Variants in CCDC178 observed in about 807,000 individuals in gnomAD.
The protein encoded by CCDC178 is coiled-coil domain-containing protein 178.
In CCDC178, 126 loss-of-function variants were observed where a neutral mutation model predicts 117.4. That is an observed-to-expected ratio of 1.07 (90% CI 0.93 to 1.24). CCDC178 has a LOEUF of 1.24. Among genes scored for constraint, CCDC178 ranks in the 50% most tolerant of loss-of-function variants. CCDC178 has a pLI of 0.00. For missense variants in CCDC178, 1,030 were observed against 986.9 expected (o/e 1.04, Z -0.59); for synonymous variants, 283 against 313.4 (o/e 0.90, Z 1.02).
chr18:33,114,224 T>C (rs992749047), intron 20 of CCDC178, among the ~76,000 whole-genome samples: 13 of 152,138 alleles, frequency 8.5e-5, no homozygotes, highest in African/African-American at 3.1e-4. Context: ...GGATCCCTTT[T>C]CTTTTACTAG....
chr18:33,148,507 G>C (rs1363402468), intron 20 of CCDC178, among the ~76,000 whole-genome samples: 1 of 151,802 alleles, frequency 6.6e-6, no homozygotes, highest in East Asian at 1.9e-4. Flanking sequence ...AGCTCTGGTA[G>C]CTGATTTCTA....
chr18:33,250,158 A>C (rs1288919465), intron 14 of CCDC178, among the ~76,000 whole-genome samples: 1 of 151,842 alleles, frequency 6.6e-6, no homozygotes, highest in Non-Finnish European at 1.5e-5. Context: ...ATGAATGAGA[A>C]ATGTCAACAA....
Position 33,087,566 on chromosome 18 carries a change from TTGTGTGTGTGTG to T in CCDC178, c.2388+5183_2388+5194del, listed in dbSNP as rs57033642. Reference sequence around the variant, plus strand: ...TCTAAGAAACAGGGGCCAAAGCCATTTGTGTGTGTGTGTGTGTGTGTGTGTGTGTGTGTGTGT... The same window carrying T: ...TCTAAGAAACAGGGGCCAAAGCCATTTGTGTGTGTGTGTGTGTGTGTGTGT... On this transcript the variant is annotated intron_variant, in intron 21 of 22. Coordinates refer to ENST00000383096, the MANE Select transcript of CCDC178 (RefSeq NM_001105528.4). Among the ~76,000 whole-genome samples, 236 of 146,106 alleles carry T rather than the reference TTGTGTGTGTGTG, an allele frequency of 1.6e-3. 2 individuals carry two copies. The highest frequency in any genetic ancestry group is 4.4e-3 in the African/African-American group (176 of 39,636).
chr18:33,298,458 T>C (rs987253272), intron 11 of CCDC178, among the ~76,000 whole-genome samples: 3 of 152,098 alleles, frequency 2.0e-5, no homozygotes, highest in Non-Finnish European at 4.4e-5. Context: ...CTTAATAAAT[T>C]AGGTGTAGAA....
At chr18:33,249,690 G>T (rs1306905846) in intron 14 of CCDC178, among the ~76,000 whole-genome samples, 1 of 152,106 alleles carries the variant, frequency 6.6e-6, no homozygotes, top group Non-Finnish European at 1.5e-5. Flanking sequence ...ATAGTTTGAA[G>T]TGAGGGAGTG....
At position 33,261,297 on chromosome 18, in the gene CCDC178, A is replaced by C. The variant is rs1599068991; in HGVS notation, c.1409+5619T>G. Among the ~76,000 whole-genome samples, 4 of 151,874 alleles carry C rather than the reference A, an allele frequency of 2.6e-5. 1 individual carries two copies. The East Asian group carries it at 5.8e-4, about 22-fold the overall frequency. On this transcript the variant is annotated intron_variant, in intron 14 of 22. Transcript: ENST00000383096. ...ACGGGGTTTCACCGTGTTAGCCAGG[A>C]TGGTCTCGATCTCCTGACCTCGTGA...
In CCDC178 at chr18:33,133,818, C is replaced by T. The variant is rs948038118; in HGVS notation, c.2239-40908G>A. On this transcript the variant is annotated intron_variant, in intron 20 of 22. Transcript: ENST00000383096. Reference sequence around the variant, plus strand: ...TTGTCTAAAATTTCTGGGACGTTTTCCTGTAATGATCAGAAAACATTAATT... The same window carrying T: ...TTGTCTAAAATTTCTGGGACGTTTTTCTGTAATGATCAGAAAACATTAATT... 2.6e-5 allele frequency among the ~76,000 whole-genome samples: 4 copies of T among 151,950 alleles called. No individual in the cohort carries two copies. In the East Asian group the frequency reaches 7.7e-4, roughly 29 times the overall value.
intron 9 of CCDC178, among the ~76,000 whole-genome samples, chr18:33,334,508 C>A (rs1353599720): frequency 6.6e-6 from 1 of 151,986 alleles, no homozygotes; most frequent in African/African-American, 2.4e-5. Flanking sequence ...CTGGCATTAA[C>A]TGAATCTTGC....
chr18:33,389,480 AATGAG>A (rs1234389164), intron 5 of CCDC178, 55 bp downstream of exon 5: 1 of 728,222 alleles, frequency 1.4e-6, no homozygotes, highest in African/African-American at 1.9e-5. Flanking sequence ...ATTATAGACT[AATGAG>A]ATAATATAAA....
At chr18:33,323,013 G>GA (rs1217933849) in intron 11 of CCDC178, 1 of 151,046 alleles carries the variant, frequency 6.6e-6, no homozygotes, top group Non-Finnish European at 1.5e-5. Flanking sequence ...ATGTAGAAAA[G>GA]AAAAAAACTC....
chr18:33,100,111 G>A (rs1360092588), intron 20 of CCDC178, among the ~76,000 whole-genome samples: 2 of 151,984 alleles, frequency 1.3e-5, no homozygotes, highest in South Asian at 2.1e-4. Context: ...CGCAGCTGAC[G>A]AATCATACCT....
chr18:32,965,914 T>C (rs1400581567), intron 22 of CCDC178, among the ~76,000 whole-genome samples: 3 of 149,390 alleles, frequency 2.0e-5, no homozygotes, highest in African/African-American at 4.9e-5. Context: ...TTATTTCTTA[T>C]TGATTTAAAT....
At chr18:33,010,081 T>A (rs1279969988) in intron 21 of CCDC178, among the ~76,000 whole-genome samples, 7 of 152,270 alleles carry the variant, frequency 4.6e-5, no homozygotes, top group African/African-American at 1.4e-4. Flanking sequence ...AGTAAAAGAA[T>A]ATAGGGTATT....
intron 21 of CCDC178, among the ~76,000 whole-genome samples, chr18:33,077,846 G>C (rs2057235956): frequency 6.6e-6 from 1 of 152,078 alleles, no homozygotes; most frequent in African/African-American, 2.4e-5. Context: ...AATTCTACCA[G>C]GTGTACAAGG....
At chr18:33,039,068 A>G (rs1370005907) in intron 21 of CCDC178, among the ~76,000 whole-genome samples, 1 of 152,086 alleles carries the variant, frequency 6.6e-6, no homozygotes, top group Non-Finnish European at 1.5e-5. Flanking sequence ...AACAACAAAA[A>G]TGACCAGTTA....
intron 21 of CCDC178, among the ~76,000 whole-genome samples, chr18:33,030,450 C>T (rs1226018612): frequency 1.3e-5 from 2 of 151,934 alleles, no homozygotes; most frequent in African/African-American, 2.4e-5. Flanking sequence ...TTAATCCATT[C>T]ACATTTAATG....
intron 22 of CCDC178, among the ~76,000 whole-genome samples, chr18:32,949,514 T>C (rs1019066942): frequency 6.6e-6 from 1 of 152,158 alleles, no homozygotes; most frequent in South Asian, 2.1e-4. Flanking sequence ...CAATATTAAA[T>C]CTGCCACTAA....
chr18:33,394,522 C>G (rs12456688), intron 4 of CCDC178, among the ~76,000 whole-genome samples: 1 of 151,946 alleles, frequency 6.6e-6, no homozygotes, highest in Non-Finnish European at 1.5e-5. Flanking sequence ...AGCTGCAGTT[C>G]TACACTCAAA....
chr18:33,130,711 G>A (rs944121110), intron 20 of CCDC178, among the ~76,000 whole-genome samples: 1 of 151,864 alleles, frequency 6.6e-6, no homozygotes, highest in African/African-American at 2.4e-5. Flanking sequence ...CATTCGACCT[G>A]GTTTGTCTCT....
Sources: gnomAD v4.1 joint callset for allele counts (sites outside exome capture counted in the v4.1 genomes callset) on GRCh38, gnomAD v4.1.1 for gene constraint, MANE v1.5 for transcripts, NCBI Gene and HGNC (gene_info 2026-07-23, HGNC 2026-07-21) for gene names.